The following PRELID3A variants were observed in gnomAD, a reference collection of about 807,000 sequenced individuals.
PRELID3A encodes PRELI domain containing protein 3A.
In PRELID3A, 27 loss-of-function variants were observed where a neutral mutation model predicts 23.0. The observed-to-expected ratio is 1.17, with a 90% CI of 0.87 to 1.62. The LOEUF (loss-of-function observed/expected upper bound fraction) is 1.62. Among genes scored for constraint, PRELID3A ranks in the 40% most tolerant of loss-of-function variants. PRELID3A has a pLI of 0.00. For missense variants in PRELID3A, 231 were observed against 231.4 expected (o/e 1.00, Z 0.01); for synonymous variants, 87 against 86.4 (o/e 1.01, Z -0.04).
At chr18:12,416,659 TTTTTTA>T (rs2029963718) in intron 1 of PRELID3A, among the ~76,000 whole-genome samples, 5 of 141,738 alleles carry the variant, frequency 3.5e-5, no homozygotes, top group Admixed American at 7.6e-5. Context: ...TTTTTTTTTT[TTTTTTA>T]GACAGAGTCT....
intron 3 of PRELID3A, among the ~76,000 whole-genome samples, chr18:12,425,800 T>C (rs1197866446): frequency 6.6e-6 from 1 of 151,692 alleles, no homozygotes; most frequent in Admixed American, 6.6e-5. Context: ...ATTAGCCGGA[T>C]GTGGTGGTGT....
At position 12,420,483 on chromosome 18, in the gene PRELID3A, T is replaced by C; in HGVS notation, c.191T>C (p.Leu64Pro). Reference sequence around the variant, plus strand: ...AGCACCGAGTGGGGGCTGCCCAGCCTCGTGAGAGCGGTGAGCGGGGCGGGG... The same window carrying C: ...AGCACCGAGTGGGGGCTGCCCAGCCCCGTGAGAGCGGTGAGCGGGGCGGGG... ...LLSTEWGLPS[L>P]VRAILGTSRT... is the part of the protein sequence containing the mutation. Residue 64 changes from leucine (L) to proline (P), a missense_variant, in exon 2 of 7, where the codon CTC (leucine) becomes CCC (proline). By Grantham distance (98) the Leu-to-Pro change is moderately conservative. Transcript: ENST00000440960. 6.5e-7 allele frequency: 1 copy of C among 1,541,860 alleles called. No individual in the cohort carries two copies. Among genetic ancestry groups the C allele is most frequent in the South Asian group, 1.2e-5 (1 of 83,636 alleles).
intron 1 of PRELID3A, among the ~76,000 whole-genome samples, chr18:12,411,138 T>C (rs1909893842): frequency 6.6e-6 from 1 of 151,982 alleles, no homozygotes; most frequent in African/African-American, 2.4e-5. Context: ...GGCCACTGAA[T>C]TAACGTGTGT....
chr18:12,425,057 C>T (rs988396079), intron 3 of PRELID3A, among the ~76,000 whole-genome samples: 2 of 150,964 alleles, frequency 1.3e-5, no homozygotes, highest in Non-Finnish European at 3.0e-5. Flanking sequence ...GCAGGAGAAT[C>T]GCTTGAATCT....
rs189857571 is a variant in PRELID3A, at chr18:12,426,479, A to G, written c.292-562A>G. On this transcript the variant is annotated intron_variant, in intron 3 of 6. Coordinates refer to ENST00000440960, the MANE Select transcript of PRELID3A (RefSeq NM_001142405.2). ...TGAGGCAGGAGAATGGTGTGAACCC[A>G]GGAGGCAGAGCTTTCAGTGAGCCGA... 8.9e-3 allele frequency among the ~76,000 whole-genome samples: 1,293 copies of G among 144,868 alleles called. 8 individuals are homozygous for G. Among genetic ancestry groups the G allele is most frequent in the African/African-American group, 0.023 (900 of 39,106 alleles).
chr18:12,428,087 C>T (rs553330407), intron 5 of PRELID3A, among the ~76,000 whole-genome samples: 150 of 152,328 alleles, frequency 9.8e-4, no homozygotes, highest in African/African-American at 3.3e-3. Flanking sequence ...CCAGCAGTGA[C>T]GCTTCCATGG....
Position 12,431,797 on chromosome 18 carries a change from GC to G in PRELID3A, c.*686del. 6.6e-6 allele frequency: 1 copy of G among 152,318 alleles called. No homozygotes were observed. The highest frequency in any genetic ancestry group is 1.5e-5 in the Non-Finnish European group (1 of 68,134). 9.4% of individuals were successfully genotyped at this position (152,318 alleles called of 1,614,324 possible). A position where few individuals can be genotyped will look rare whatever the true frequency, so the allele number is the denominator to read the frequency against. On this transcript the variant is annotated 3_prime_UTR_variant, in exon 7 of 7. Coordinates refer to ENST00000440960, the MANE Select transcript of PRELID3A (RefSeq NM_001142405.2). ...CCGGCCCTTTCTGCAGGCTGTGCCA[GC>G]CCCCTCCAGTCTGCCACTGCCGTGC...
chr18:12,411,514 G>T lies in PRELID3A; in HGVS notation c.32+3507G>T, dbSNP rs998174761. Among the ~76,000 whole-genome samples, 7 of 149,664 alleles carry T rather than the reference G, an allele frequency of 4.7e-5. No homozygotes were observed. The East Asian group carries it at 1.4e-3, about 30-fold the overall frequency. On this transcript the variant is annotated intron_variant, in intron 1 of 6. Coordinates refer to ENST00000440960, the MANE Select transcript of PRELID3A (RefSeq NM_001142405.2). ...CAGGGTTTAAAATGTCTTCTTCCCA[G>T]CATTGAGGTTTCAGGCAGACCTATG...
intron 1 of PRELID3A, among the ~76,000 whole-genome samples, chr18:12,415,102 T>C (rs1424026475): frequency 1.3e-5 from 2 of 152,082 alleles, no homozygotes; most frequent in Non-Finnish European, 2.9e-5. Context: ...CTAATTTTCG[T>C]ATTTTTTGTT....
chr18:12,412,030 C>A (rs1242323308), intron 1 of PRELID3A, among the ~76,000 whole-genome samples: 6 of 151,932 alleles, frequency 3.9e-5, no homozygotes, highest in East Asian at 1.9e-4. Context: ...CCTGCCTCAG[C>A]CTCCAGAGTA....
At chr18:12,419,403 C>CGG (rs2030071100) in intron 1 of PRELID3A, among the ~76,000 whole-genome samples, 1 of 147,716 alleles carries the variant, frequency 6.8e-6, no homozygotes, top group Non-Finnish European at 1.5e-5. Context: ...CTGAGGCAGG[C>CGG]GGATCACTTG....
At chr18:12,408,081 C>G (rs1314298395) in intron 1 of PRELID3A, 74 bp downstream of exon 1, 2 of 1,185,438 alleles carry the variant, frequency 1.7e-6, no homozygotes, top group Non-Finnish European at 2.1e-6. Context: ...CTGGAGCGGT[C>G]CAGGAAAGGC....
At chr18:12,408,368 C>G (rs1909796189) in intron 1 of PRELID3A, among the ~76,000 whole-genome samples, 1 of 151,780 alleles carries the variant, frequency 6.6e-6, no homozygotes, top group African/African-American at 2.4e-5. Flanking sequence ...GCCTGGCGCT[C>G]GCTGCTCTCC....
chr18:12,408,308 A>AGCGGGGGCGGCCGGG (rs1256616595), intron 1 of PRELID3A, among the ~76,000 whole-genome samples: 5 of 150,532 alleles, frequency 3.3e-5, no homozygotes, highest in East Asian at 2.0e-4. Flanking sequence ...GGGCAGCCGG[A>AGCGGGGGCGGCCGGG]GCGGGGGCGG....
intron 3 of PRELID3A, among the ~76,000 whole-genome samples, chr18:12,426,002 T>C (rs1287980926): frequency 2.4e-4 from 36 of 151,120 alleles, no homozygotes; most frequent in African/African-American, 8.5e-4. Context: ...TTTGGGAGGG[T>C]AAGGCAGACA....
At chr18:12,409,358 G>C (rs554607579) in intron 1 of PRELID3A, among the ~76,000 whole-genome samples, 1 of 151,768 alleles carries the variant, frequency 6.6e-6, no homozygotes, top group Admixed American at 6.6e-5. Flanking sequence ...GTAGAAACAG[G>C]GTTTCGCCAT....
intron 6 of PRELID3A, among the ~76,000 whole-genome samples, 173 bp from the exon 7 acceptor site, chr18:12,430,977 G>A (rs918530030): frequency 1.7e-4 from 26 of 150,428 alleles, no homozygotes; most frequent in African/African-American, 5.4e-4. Context: ...TCTGTATGAT[G>A]TGCATGTGTG....
intron 6 of PRELID3A, among the ~76,000 whole-genome samples, chr18:12,429,986 G>T (rs2030513054): frequency 1.3e-5 from 2 of 152,232 alleles, no homozygotes; most frequent in African/African-American, 4.8e-5. Flanking sequence ...TAGTGGCCCT[G>T]CCCCGACGGC....
In PRELID3A at chr18:12,421,386, G is replaced by T. The variant is rs768997047; in HGVS notation, c.202-154G>T. On this transcript the variant is annotated intron_variant, in intron 2 of 6. Transcript: ENST00000440960. ...GTGGCTCACCTGCTGGAGCGGAAGC[G>T]CCCTGGACACAGGGGTTTTGTCTCT... The T allele has an allele frequency of 2.1e-5, 13 of 618,668 alleles. No individual in the cohort carries two copies. In the East Asian group the frequency reaches 3.6e-4, roughly 17 times the overall value. 38.3% of individuals were successfully genotyped at this position (618,668 alleles called of 1,614,324 possible).
Sources: gnomAD v4.1 joint callset for allele counts (sites outside exome capture counted in the v4.1 genomes callset) on GRCh38, gnomAD v4.1.1 for gene constraint, MANE v1.5 for transcripts, NCBI Gene and HGNC (gene_info 2026-07-23, HGNC 2026-07-21) for gene names.